CLYBL: variants seen among roughly 807,000 people sequenced by gnomAD.
CLYBL encodes citramalyl-CoA lyase, also known as citramalyl-CoA lyase, mitochondrial.
In CLYBL, 31 loss-of-function variants were observed where a neutral mutation model predicts 38.9. The observed-to-expected ratio is 0.80, with a 90% CI of 0.60 to 1.08. The LOEUF (loss-of-function observed/expected upper bound fraction) is 1.08. CLYBL is among the 50% of genes least tolerant of loss of function. The probability of loss-of-function intolerance (pLI) is 0.00; values close to 1 mark genes in which losing one functional copy is unlikely to be tolerated. For missense variants in CLYBL, 434 were observed against 411.6 expected, an observed-to-expected ratio of 1.05 and a Z score of -0.47; for synonymous variants, 171 against 158.6, an observed-to-expected ratio of 1.08 and a Z score of -0.59.
chr13:99,871,053 A>G lies in CLYBL; in HGVS notation c.918A>G (p.Gln306=), dbSNP rs755422275. 40 of 1,613,894 alleles carry G rather than the reference A, an allele frequency of 2.5e-5. No homozygotes were observed. Among genetic ancestry groups the G allele is most frequent in the Admixed American group, 1.8e-4 (11 of 59,998 alleles). The change falls in exon 7 of 9, where the codon CAA becomes CAG. Residue 306 remains glutamine (Q), a synonymous_variant. Transcript: ENST00000339105. ...TTGCTGCCTTTAAAGAACATCAACA[A>G]TTAGGAAAGGTAAATGTTTTGTTAA... is the stretch of plus-strand genomic sequence containing the variant. ...ELIAAFKEHQ[Q]LGKGAFTFQG... is the part of the protein sequence containing the mutation.
intron 1 of CLYBL, among the ~76,000 whole-genome samples, chr13:99,732,669 A>G (rs2048610842): frequency 6.6e-6 from 1 of 152,214 alleles, no homozygotes; most frequent in African/African-American, 2.4e-5. Flanking sequence ...AGGTGTTACA[A>G]ATATCTTGAC....
intron 1 of CLYBL, among the ~76,000 whole-genome samples, chr13:99,701,562 C>T (rs766317665): frequency 2.0e-4 from 31 of 152,144 alleles, no homozygotes; most frequent in Non-Finnish European, 4.0e-4. Context: ...CTGCCTGCCT[C>T]GGCCTCCCAA....
chr13:99,792,979 T>G (rs892892910), intron 2 of CLYBL, among the ~76,000 whole-genome samples: 3 of 151,772 alleles, frequency 2.0e-5, no homozygotes, highest in African/African-American at 7.3e-5. Flanking sequence ...GCATATATAT[T>G]CTCTCTACTT....
At position 99,606,708 on chromosome 13, in the gene CLYBL, C is replaced by G. The variant is rs570970577; in HGVS notation, c.13C>G (p.Leu5Val). Residue 5 changes from leucine to valine, a missense_variant, in exon 1 of 9, where the codon CTG (leucine) becomes GTG (valine). Physicochemically the swap from Leu to Val is conservative, Grantham distance 32. Coordinates refer to ENST00000339105, the MANE Select transcript of CLYBL (RefSeq NM_206808.5). Reference protein sequence around the residue: MALRLLRRAARGAAA... With the variant: MALRVLRRAARGAAA... ...GCGCGTCGGGAAGATGGCGCTACGT[C>G]TGCTGCGGAGGGCGGCGCGCGGAGC... The G allele has an allele frequency of 9.4e-6, 14 of 1,494,398 alleles. No homozygotes were observed. In the African/African-American group the frequency reaches 1.7e-4, roughly 19 times the overall value. 92.6% of individuals were successfully genotyped at this position (1,494,398 alleles called of 1,614,324 possible). A position where few individuals can be genotyped will look rare whatever the true frequency, so the allele number is the denominator to read the frequency against.
chr13:99,658,983 TAATTAA>T (rs2047370659), intron 1 of CLYBL, among the ~76,000 whole-genome samples: 1 of 152,210 alleles, frequency 6.6e-6, no homozygotes, highest in Admixed American at 6.5e-5. Context: ...ACTTTTTACA[TAATTAA>T]AAGAGATTTT....
chr13:99,779,152 G>GT (rs1437706755), intron 2 of CLYBL, among the ~76,000 whole-genome samples: 2 of 151,744 alleles, frequency 1.3e-5, no homozygotes, highest in African/African-American at 4.8e-5. Flanking sequence ...TTTTGTTTTT[G>GT]TTTTTTTGAG....
intron 1 of CLYBL, among the ~76,000 whole-genome samples, chr13:99,720,770 C>T (rs1016370700): frequency 6.6e-5 from 10 of 152,094 alleles, no homozygotes; most frequent in African/African-American, 2.4e-4. Context: ...TGTCTTTTCT[C>T]TCTATGTGTT....
downstream of CLYBL, among the ~76,000 whole-genome samples, chr13:99,902,054 T>C (rs2052650072): frequency 6.6e-6 from 1 of 152,212 alleles, no homozygotes; most frequent in South Asian, 2.1e-4. Flanking sequence ...TTTGAGAGCC[T>C]AGAGTGATGC....
intron 2 of CLYBL, among the ~76,000 whole-genome samples, chr13:99,787,996 T>C (rs2049834502): frequency 6.6e-6 from 1 of 152,220 alleles, no homozygotes; most frequent in Admixed American, 6.5e-5. Context: ...TTTGGCTCTC[T>C]GTTTGTCTGT....
chr13:99,765,325 T>G (rs1281007527), intron 1 of CLYBL, among the ~76,000 whole-genome samples: 1 of 152,210 alleles, frequency 6.6e-6, no homozygotes, highest in African/African-American at 2.4e-5. Context: ...GATTTTCTCT[T>G]GCTGCTTTTA....
intron 1 of CLYBL, chr13:99,727,117 C>T (rs1419168561): frequency 6.6e-6 from 1 of 151,840 alleles, no homozygotes. Context: ...CGAGATAATG[C>T]CACTGCACTC....
downstream of CLYBL, among the ~76,000 whole-genome samples, chr13:99,901,658 G>T (rs9557329): frequency 0.058 from 6,966 of 119,298 alleles, 184 homozygotes; most frequent in Non-Finnish European, 0.066. Flanking sequence ...TTTTTTTTTT[G>T]TTTGTTTGTT....
intron 7 of CLYBL, among the ~76,000 whole-genome samples, chr13:99,871,942 G>A (rs1031992034): frequency 2.1e-5 from 3 of 140,210 alleles, no homozygotes; most frequent in Non-Finnish European, 4.6e-5. Context: ...TTAGGAGAAA[G>A]AATATTGAAA....
chr13:99,700,548 T>C (rs2048049772), intron 1 of CLYBL, among the ~76,000 whole-genome samples: 1 of 152,188 alleles, frequency 6.6e-6, no homozygotes, highest in Non-Finnish European at 1.5e-5. Context: ...GCAAGTTCCG[T>C]CCTGTGGTGG....
chr13:99,870,921 T>C lies in CLYBL; in HGVS notation c.803-17T>C. 1 of 1,587,238 alleles carries C rather than the reference T, an allele frequency of 6.3e-7. No homozygotes were observed. The highest frequency in any genetic ancestry group is 8.5e-7 in the Non-Finnish European group (1 of 1,169,812). The stretch of plus-strand genomic sequence containing the variant: ...GTTCGTTGTTTCGTGGTTCCGATGT[T>C]ATTAATATTCTTGTAGGTAAGCAGG... On this transcript the variant is annotated splice_polypyrimidine_tract_variant and intron_variant, in intron 6 of 8. Transcript: ENST00000339105.
Position 99,775,339 on chromosome 13 carries a change from T to G in CLYBL, c.249+2329T>G, listed in dbSNP as rs143487284. On this transcript the variant is annotated intron_variant, in intron 2 of 8. Transcript: ENST00000339105. ...TAGTAGTAGCAGCTGTGCTACCACT[T>G]AGGGGAAACCTGAGGAGGAGAAGGG... is the stretch of plus-strand genomic sequence containing the variant. 1.6e-3 allele frequency among the ~76,000 whole-genome samples: 241 copies of G among 152,288 alleles called. 3 individuals carry two copies. The East Asian group carries it at 0.04, about 25-fold the overall frequency.
At chr13:99,717,076 C>T (rs923718479) in intron 1 of CLYBL, among the ~76,000 whole-genome samples, 2 of 151,872 alleles carry the variant, frequency 1.3e-5, no homozygotes, top group Admixed American at 6.6e-5. Context: ...CAGGCGTGAG[C>T]CACCACGCCC....
chr13:99,785,142 G>A (rs2049759038), intron 2 of CLYBL, among the ~76,000 whole-genome samples: 1 of 136,080 alleles, frequency 7.3e-6, no homozygotes, highest in Non-Finnish European at 1.5e-5. Flanking sequence ...ATCCACCCAC[G>A]TTGGCCTCCC....
At chr13:99,873,255 A>T (rs2051954556) in intron 7 of CLYBL, among the ~76,000 whole-genome samples, 1 of 152,218 alleles carries the variant, frequency 6.6e-6, no homozygotes, top group Non-Finnish European at 1.5e-5. Context: ...TTGGATCTGC[A>T]GGTAGGTGAC....
Sources: gnomAD v4.1 joint callset for allele counts (sites outside exome capture counted in the v4.1 genomes callset) on GRCh38, gnomAD v4.1.1 for gene constraint, MANE v1.5 for transcripts, NCBI Gene and HGNC (gene_info 2026-07-23, HGNC 2026-07-21) for gene names.